DST: variants seen among roughly 807,000 people sequenced by gnomAD.
The protein encoded by DST is bullous pemphigoid antigen.
DST carries 253 observed loss-of-function variants against 875.2 expected under a neutral mutation model. The ratio of observed to expected loss-of-function variants is 0.29; its 90% CI spans 0.26 to 0.32. The LOEUF is 0.32. Ranked by LOEUF, DST falls within the 10% of genes least tolerant of loss-of-function variation. DST has a pLI of 1.00. For missense variants in DST, 8,287 were observed against 9,111.6 expected (o/e 0.91, Z 3.68); for synonymous variants, 3,124 against 3,197.1 (o/e 0.98, Z 0.77).
chr6:56,503,268 A>G (rs1449832242), intron 78 of DST, among the ~76,000 whole-genome samples: 1 of 152,090 alleles, frequency 6.6e-6, no homozygotes, highest in African/African-American at 2.4e-5. Flanking sequence ...ACAATTAAAA[A>G]TAACTAAAAG....
chr6:56,479,523 A>G (rs1298388172), intron 90 of DST, among the ~76,000 whole-genome samples: 2 of 139,730 alleles, frequency 1.4e-5, no homozygotes, highest in Non-Finnish European at 3.2e-5. Flanking sequence ...TAGAACCAAT[A>G]TAAGTGTCCA....
At position 56,932,682 on chromosome 6, in the gene DST, T is replaced by C. The variant is rs150963115; in HGVS notation, c.216+21103A>G. Among the ~76,000 whole-genome samples, 288 of 152,172 alleles carry C rather than the reference T, an allele frequency of 1.9e-3. 1 individual carries two copies. Among genetic ancestry groups the C allele is most frequent in the African/African-American group, 6.6e-3 (276 of 41,504 alleles). ...CAACAAATAGTAAGTGCCTATTCCATGCCAGATGCCACACAAGGCTATGGA... is the reference window on the plus strand; with the variant it reads ...CAACAAATAGTAAGTGCCTATTCCACGCCAGATGCCACACAAGGCTATGGA... On this transcript the variant is annotated intron_variant, in intron 2 of 103. Transcript: ENST00000680361.
rs772380618 is a variant in DST, at chr6:56,634,281, C to G, written c.3495-23G>C. 68 of 1,613,522 alleles carry G rather than the reference C, an allele frequency of 4.2e-5. No individual in the cohort carries two copies. In the South Asian group the frequency reaches 6.0e-4, roughly 14 times the overall value. ...ATTCTGAAATACATGAAAGAGAACT[C>G]AGATTAATGTTTTTACTCCCTCTGA... On this transcript the variant is annotated intron_variant, in intron 26 of 103. Coordinates refer to ENST00000680361, the MANE Select transcript of DST (RefSeq NM_001374736.1).
intron 2 of DST, 55 bp downstream of exon 2, chr6:56,953,730 G>C: frequency 8.1e-7 from 1 of 1,236,528 alleles, no homozygotes; most frequent in Non-Finnish European, 1.1e-6. Flanking sequence ...ATTAATATTG[G>C]TACTCAGGAA....
chr6:56,527,853 A>C, intron 67 of DST, 119 bp from the exon 68 acceptor site: 8 of 1,061,388 alleles, frequency 7.5e-6, no homozygotes, highest in Non-Finnish European at 1.0e-5. Flanking sequence ...CATTTTTCTA[A>C]AGATAATCTT....
At chr6:56,873,318 T>A (rs1421211615) in intron 3 of DST, among the ~76,000 whole-genome samples, 1 of 152,226 alleles carries the variant, frequency 6.6e-6, no homozygotes, top group Non-Finnish European at 1.5e-5. Flanking sequence ...TGTTGATTGT[T>A]TCCTCTGAAG....
chr6:56,927,253 T>C (rs781574233), intron 2 of DST, among the ~76,000 whole-genome samples: 81 of 152,114 alleles, frequency 5.3e-4, no homozygotes, highest in Non-Finnish European at 1.0e-3. Context: ...ACCAAACTAG[T>C]ACCCAACCCA....
intron 36 of DST, chr6:56,615,513 C>G (rs1306851806): frequency 6.2e-7 from 1 of 1,613,910 alleles, no homozygotes; most frequent in Admixed American, 1.7e-5. Flanking sequence ...TTAAACATGT[C>G]CCATTAGGAA....
intron 12 of DST, among the ~76,000 whole-genome samples, 192 bp from the exon 13 acceptor site, chr6:56,648,881 AT>A (rs2098959170): frequency 6.6e-6 from 1 of 152,186 alleles, no homozygotes; most frequent in Non-Finnish European, 1.5e-5. Context: ...TGCTATCAAC[AT>A]TTGGCCACTA....
intron 3 of DST, among the ~76,000 whole-genome samples, chr6:56,879,976 G>A (rs1781325361): frequency 6.6e-6 from 1 of 152,360 alleles, no homozygotes; most frequent in Admixed American, 6.5e-5. Flanking sequence ...TAAAGTAGGT[G>A]CTATTGTAGC....
At chr6:56,844,296 G>A (rs1055892805) in intron 4 of DST, among the ~76,000 whole-genome samples, 1 of 152,154 alleles carries the variant, frequency 6.6e-6, no homozygotes, top group Non-Finnish European at 1.5e-5. Flanking sequence ...CGAGGCTGCC[G>A]AGTACCAGCC....
intron 97 of DST, among the ~76,000 whole-genome samples, chr6:56,469,678 T>C (rs887853469): frequency 6.6e-6 from 1 of 152,166 alleles, no homozygotes; most frequent in African/African-American, 2.4e-5. Context: ...GATGTAGATG[T>C]CAAAGATATT....
intron 4 of DST, among the ~76,000 whole-genome samples, chr6:56,804,057 C>T (rs13198204): frequency 1.3e-5 from 2 of 151,912 alleles, no homozygotes; most frequent in Non-Finnish European, 1.5e-5. Context: ...ATCTTTACTG[C>T]GTAAATTTGA....
In DST at chr6:56,511,171, A is replaced by G. The variant is rs140766293; in HGVS notation, c.18780+26T>C. ...GTGCTCTGTTGTCTGCAAGAACCCA[A>G]TTCTATATCTAGTGTAAACAATTAC... On this transcript the variant is annotated intron_variant, in intron 73 of 103. Coordinates refer to ENST00000680361, the MANE Select transcript of DST (RefSeq NM_001374736.1). 3,213 of 1,549,748 alleles carry G rather than the reference A, an allele frequency of 2.1e-3. 54 individuals are homozygous for G. The African/African-American group carries it at 0.037, about 18-fold the overall frequency.
At chr6:56,671,129 T>A (rs957454699) in intron 9 of DST, among the ~76,000 whole-genome samples, 5 of 152,192 alleles carry the variant, frequency 3.3e-5, no homozygotes, top group Admixed American at 6.5e-5. Context: ...GAAATCTGAG[T>A]TTCAAAGAGG....
chr6:56,463,906 A>T (rs1395154050), intron 100 of DST, 142 bp from the exon 101 acceptor site: 1 of 867,630 alleles, frequency 1.2e-6, no homozygotes, highest in Non-Finnish European at 1.9e-6. Flanking sequence ...GCCAACTCCA[A>T]CTCAGCATAA....
intron 5 of DST, among the ~76,000 whole-genome samples, chr6:56,728,033 T>C (rs985510868): frequency 1.3e-5 from 2 of 152,150 alleles, no homozygotes; most frequent in African/African-American, 4.8e-5. Flanking sequence ...AAGCACTCAA[T>C]AAATGGCATT....
intron 9 of DST, among the ~76,000 whole-genome samples, chr6:56,686,743 G>C (rs185879880): frequency 2.8e-3 from 432 of 152,282 alleles, no homozygotes; most frequent in Non-Finnish European, 5.0e-3. Context: ...AGGAGAGAAA[G>C]AAGTGTCCCG....
At chr6:56,663,687 C>T (rs2099056708) in intron 10 of DST, among the ~76,000 whole-genome samples, 1 of 152,222 alleles carries the variant, frequency 6.6e-6, no homozygotes, top group African/African-American at 2.4e-5. Context: ...ACAATCTAAC[C>T]TTCACAATTA....
Sources: gnomAD v4.1 joint callset for allele counts (sites outside exome capture counted in the v4.1 genomes callset) on GRCh38, gnomAD v4.1.1 for gene constraint, MANE v1.5 for transcripts, NCBI Gene and HGNC (gene_info 2026-07-23, HGNC 2026-07-21) for gene names.